Variants in APP observed in about 807,000 individuals in gnomAD.
APP encodes amyloid beta precursor protein.
Under a neutral mutation model 101.4 loss-of-function variants are expected in APP, and 31 were observed. The observed-to-expected ratio is 0.31, with a 90% CI of 0.23 to 0.41. The LOEUF (loss-of-function observed/expected upper bound fraction) is 0.41. Among genes scored for constraint, APP ranks in the 10% least tolerant of loss-of-function variants. The pLI is 1.00. For missense variants in APP, 839 were observed against 1,003.7 expected (o/e 0.84, Z 2.22); for synonymous variants, 366 against 364.4 (o/e 1.00, Z -0.05).
At chr21:25,899,267 A>C (rs17001475) in intron 15 of APP, among the ~76,000 whole-genome samples, 2,721 of 152,300 alleles carry the variant, frequency 0.018, 61 homozygotes, top group African/African-American at 0.062. Flanking sequence ...GGTCTGGGTC[A>C]TAAGAACTTG....
At chr21:25,975,455 T>C (rs1208027561) in intron 10 of APP, among the ~76,000 whole-genome samples, 1 of 152,196 alleles carries the variant, frequency 6.6e-6, no homozygotes, top group Non-Finnish European at 1.5e-5. Flanking sequence ...AAAATCAGTA[T>C]TTCATAGGCT....
At chr21:25,995,865 T>C (rs2043035386) in intron 8 of APP, among the ~76,000 whole-genome samples, 1 of 152,194 alleles carries the variant, frequency 6.6e-6, no homozygotes, top group East Asian at 1.9e-4. Context: ...GATGCAGTCT[T>C]TTTTAAAATA....
At chr21:25,924,411 C>CAAAAAA (rs551284093) in intron 13 of APP, among the ~76,000 whole-genome samples, 2 of 56,814 alleles carry the variant, frequency 3.5e-5, no homozygotes, top group African/African-American at 7.0e-5. Flanking sequence ...TTTGCAAATA[C>CAAAAAA]AAAAAAAAAA....
At chr21:25,958,965 A>G (rs1468811563) in intron 11 of APP, among the ~76,000 whole-genome samples, 3 of 68,064 alleles carry the variant, frequency 4.4e-5, no homozygotes, top group African/African-American at 6.2e-5. Context: ...TTGTGGTTAC[A>G]TAGGCTACAT....
At chr21:25,962,158 CTGTT>C in intron 11 of APP, among the ~76,000 whole-genome samples, 1 of 152,248 alleles carries the variant, frequency 6.6e-6, no homozygotes, top group East Asian at 1.9e-4. Context: ...TATGTGCTGT[CTGTT>C]TGCAACTGAT....
rs556543466 is a variant in APP at position 26,080,824 on chromosome 21, T to C, written c.355+9119A>G. 1.6e-4 allele frequency among the ~76,000 whole-genome samples: 25 copies of C among 152,150 alleles called. 1 individual carries two copies. Among genetic ancestry groups the C allele is most frequent in the African/African-American group, 6.0e-4 (25 of 41,516 alleles). The stretch of plus-strand genomic sequence containing the variant: ...GCTTTCCAAAGATTACTGGTATCTT[T>C]TACTGGAAAATGGTTCCTAAAGACC... On this transcript the variant is annotated intron_variant, in intron 3 of 17. Coordinates refer to ENST00000346798, the MANE Select transcript of APP (RefSeq NM_000484.4).
upstream of APP, chr21:26,170,806 C>T: frequency 1.7e-6 from 1 of 589,058 alleles, no homozygotes; most frequent in Non-Finnish European, 2.7e-6. Flanking sequence ...CAGAGCCAGG[C>T]GAGTCAGCTG....
chr21:26,134,227 GCTGAGTGTCCTCTAATTCAA>G (rs1429596049), intron 1 of APP, among the ~76,000 whole-genome samples: 3 of 152,142 alleles, frequency 2.0e-5, no homozygotes. Flanking sequence ...ATGGATGCCA[GCTGAGTGTCCTCTAATTCAA>G]CTGGATTCTG....
At chr21:26,149,937 TG>T (rs1457063570) in intron 1 of APP, among the ~76,000 whole-genome samples, 6 of 152,220 alleles carry the variant, frequency 3.9e-5, no homozygotes, top group African/African-American at 1.4e-4. Flanking sequence ...TACACTGTAT[TG>T]TTCTCTCCAG....
intron 17 of APP, among the ~76,000 whole-genome samples, chr21:25,885,593 G>T (rs1433905771): frequency 1.3e-5 from 2 of 152,106 alleles, no homozygotes; most frequent in Non-Finnish European, 2.9e-5. Flanking sequence ...ATGATCTGAG[G>T]TCTTCATGTG....
At chr21:26,033,535 T>C (rs917119751) in intron 5 of APP, among the ~76,000 whole-genome samples, 5 of 152,156 alleles carry the variant, frequency 3.3e-5, no homozygotes, top group Non-Finnish European at 4.4e-5. Context: ...CTCAGTATGG[T>C]GGAGGAGGGG....
In APP at chr21:25,971,671, CA is replaced by C. The variant is rs376361819; in HGVS notation, c.1458+3398del. On this transcript the variant is annotated intron_variant, in intron 11 of 17. Coordinates refer to ENST00000346798, the MANE Select transcript of APP (RefSeq NM_000484.4). ...ACATGCATGTGAAAGAAACTGAAGC[CA>C]GGGGGAAAATCACCAAAAAGAATTA... Among the ~76,000 whole-genome samples the C allele has an allele frequency of 2.7e-4, 41 of 152,252 alleles. No homozygotes were observed. The East Asian group carries it at 3.5e-3, about 13-fold the overall frequency.
chr21:26,118,959 T>C (rs1259525888), intron 1 of APP, among the ~76,000 whole-genome samples: 1 of 152,188 alleles, frequency 6.6e-6, no homozygotes, highest in Non-Finnish European at 1.5e-5. Flanking sequence ...AATATTGCCA[T>C]ATCTCATCAG....
At chr21:26,034,448 T>C (rs7281234) in intron 5 of APP, among the ~76,000 whole-genome samples, 29,144 of 151,578 alleles carry the variant, frequency 0.19, 3,436 homozygotes, top group East Asian at 0.32. Context: ...ATCGAGACCA[T>C]CCTGGCTAAC....
chr21:26,135,584 G>A (rs1249022999), intron 1 of APP, among the ~76,000 whole-genome samples: 2 of 152,080 alleles, frequency 1.3e-5, no homozygotes, highest in Admixed American at 1.3e-4. Flanking sequence ...TATACAGAAG[G>A]CAGCACATTT....
At chr21:26,067,930 C>A (rs1361346129) in intron 3 of APP, among the ~76,000 whole-genome samples, 51 of 147,886 alleles carry the variant, frequency 3.4e-4, no homozygotes, top group East Asian at 1.6e-3. Context: ...AAAAAAAAAA[C>A]AAAAAACTCA....
intron 6 of APP, among the ~76,000 whole-genome samples, chr21:26,017,805 T>A (rs142730695): frequency 6.6e-6 from 1 of 152,352 alleles, no homozygotes; most frequent in Non-Finnish European, 1.5e-5. Flanking sequence ...AGCAAGTATC[T>A]AAATACACCA....
intron 5 of APP, among the ~76,000 whole-genome samples, chr21:26,050,701 G>A (rs375037688): frequency 2.0e-5 from 3 of 152,004 alleles, no homozygotes; most frequent in Non-Finnish European, 4.4e-5. Flanking sequence ...AAAACAGAAC[G>A]CCATTATTAT....
chr21:26,011,038 C>T (rs866150895), intron 6 of APP, among the ~76,000 whole-genome samples: 16 of 151,506 alleles, frequency 1.1e-4, no homozygotes, highest in African/African-American at 3.9e-4. Context: ...GGATGAGACA[C>T]AGTATTGCAC....
Sources: gnomAD v4.1 joint callset for allele counts (sites outside exome capture counted in the v4.1 genomes callset) on GRCh38, gnomAD v4.1.1 for gene constraint, MANE v1.5 for transcripts, NCBI Gene and HGNC (gene_info 2026-07-23, HGNC 2026-07-21) for gene names.